Variants in GNAI3 observed in about 807,000 individuals in gnomAD.
GNAI3 encodes G protein subunit alpha i3.
In GNAI3, 12 loss-of-function variants were observed where a neutral mutation model predicts 41.8. That is an observed-to-expected ratio of 0.29 (90% CI 0.18 to 0.47). The LOEUF is 0.47. Ranked by LOEUF, GNAI3 falls within the 20% of genes least tolerant of loss-of-function variation. The pLI is 1.00. For missense variants in GNAI3, 360 were observed against 429.6 expected (o/e 0.84, Z 1.43); for synonymous variants, 132 against 146.5 (o/e 0.90, Z 0.71).
intron 4 of GNAI3, among the ~76,000 whole-genome samples, chr1:109,581,505 TC>T (rs1648888562): frequency 6.6e-6 from 1 of 152,186 alleles, no homozygotes; most frequent in African/African-American, 2.4e-5. Context: ...GTATTACATT[TC>T]AGGAATTTTT....
intron 1 of GNAI3, among the ~76,000 whole-genome samples, chr1:109,568,599 A>G (rs1340514045): frequency 6.6e-6 from 1 of 152,196 alleles, no homozygotes; most frequent in African/African-American, 2.4e-5. Flanking sequence ...CAGTGATTCT[A>G]CATTAGAGTA....
chr1:109,558,057 AG>A (rs1438178251), intron 1 of GNAI3, among the ~76,000 whole-genome samples: 1 of 152,220 alleles, frequency 6.6e-6, no homozygotes, highest in African/African-American at 2.4e-5. Context: ...CTTTCTCATT[AG>A]TTCATGAGAA....
At chr1:109,582,642 T>C in intron 5 of GNAI3, 77 bp downstream of exon 5, 2 of 1,037,672 alleles carry the variant, frequency 1.9e-6, no homozygotes, top group Non-Finnish European at 3.0e-6. Flanking sequence ...TTAATCAGGG[T>C]AAAATTTCTC....
intron 1 of GNAI3, among the ~76,000 whole-genome samples, chr1:109,557,687 T>C (rs995116472): frequency 4.6e-5 from 7 of 152,166 alleles, no homozygotes; most frequent in Non-Finnish European, 8.8e-5. Context: ...ACATCTTCTG[T>C]GGCTCACGCA....
chr1:109,568,617 T>C (rs511566), intron 1 of GNAI3, among the ~76,000 whole-genome samples: 11 of 152,036 alleles, frequency 7.2e-5, no homozygotes, highest in Admixed American at 7.2e-4. Context: ...GTACATATTG[T>C]TGAATTTTTT....
chr1:109,587,513 G>A (rs1043096273), intron 7 of GNAI3, among the ~76,000 whole-genome samples: 8 of 152,068 alleles, frequency 5.3e-5, no homozygotes, highest in Non-Finnish European at 1.5e-5. Context: ...TCAGGCAGAC[G>A]GGAATAAAAG....
intron 7 of GNAI3, 152 bp downstream of exon 7, chr1:109,587,034 C>T: frequency 1.7e-6 from 1 of 585,642 alleles, no homozygotes; most frequent in Non-Finnish European, 3.0e-6. Context: ...GATTAAAAGC[C>T]CCTAAGTCAA....
chr1:109,565,315 T>C (rs780125355), intron 1 of GNAI3, among the ~76,000 whole-genome samples: 24 of 151,820 alleles, frequency 1.6e-4, no homozygotes, highest in Admixed American at 7.2e-4. Context: ...GAGTGCTCAC[T>C]ATGTTTTATA....
intron 5 of GNAI3, among the ~76,000 whole-genome samples, chr1:109,585,461 T>G (rs1281943162): frequency 6.6e-6 from 1 of 152,202 alleles, no homozygotes; most frequent in Non-Finnish European, 1.5e-5. Context: ...TCAAGGCTGT[T>G]TTTTAGTTAT....
At chr1:109,563,968 A>G (rs1648383462) in intron 1 of GNAI3, among the ~76,000 whole-genome samples, 1 of 152,198 alleles carries the variant, frequency 6.6e-6, no homozygotes. Flanking sequence ...TTTAATAAAA[A>G]ACAACCTAAA....
intron 7 of GNAI3, among the ~76,000 whole-genome samples, chr1:109,587,619 G>A (rs1040877084): frequency 5.9e-5 from 9 of 152,166 alleles, no homozygotes; most frequent in African/African-American, 2.2e-4. Flanking sequence ...TATTACTAGA[G>A]TTTACAGTGG....
intron 1 of GNAI3, among the ~76,000 whole-genome samples, chr1:109,566,460 T>C (rs1358348779): frequency 6.6e-6 from 1 of 152,224 alleles, no homozygotes; most frequent in African/African-American, 2.4e-5. Flanking sequence ...AGTGATGTTT[T>C]TCCTATCTGT....
intron 1 of GNAI3, among the ~76,000 whole-genome samples, chr1:109,556,087 A>T (rs1571147087): frequency 6.7e-6 from 1 of 148,724 alleles, no homozygotes; most frequent in Non-Finnish European, 1.5e-5. Flanking sequence ...CCCAGGCTGG[A>T]GTGCAGTGGT....
At chr1:109,581,076 CTG>C (rs1648877282) in intron 4 of GNAI3, among the ~76,000 whole-genome samples, 1 of 152,092 alleles carries the variant, frequency 6.6e-6, no homozygotes, top group Non-Finnish European at 1.5e-5. Flanking sequence ...ATTTTCATAA[CTG>C]TTGATCTAAG....
chr1:109,550,627 G>A (rs566365196), intron 1 of GNAI3, among the ~76,000 whole-genome samples: 10 of 151,964 alleles, frequency 6.6e-5, no homozygotes, highest in Non-Finnish European at 1.2e-4. Context: ...TCCACCTCTC[G>A]GGTTCACGCC....
rs1649230950 is a variant in GNAI3, at chr1:109,593,963, G to A, written c.*1641G>A. The A allele has an allele frequency of 6.5e-6, 1 of 152,708 alleles. No individual in the cohort carries two copies. The highest frequency in any genetic ancestry group is 1.5e-5 in the Non-Finnish European group (1 of 68,008). The allele number at this position is 152,708 out of a possible 1,614,324, so 9.5% of individuals were successfully genotyped here. ...CTTTTCACTAGTTTACAAAAAAAAG[G>A]TTGGTGGTCAACAAAAAAAGCAAGT... is the stretch of plus-strand genomic sequence containing the variant. On this transcript the variant is annotated 3_prime_UTR_variant, in exon 9 of 9. Coordinates refer to ENST00000369851, the MANE Select transcript of GNAI3 (RefSeq NM_006496.4).
At chr1:109,580,924 C>T (rs565016274) in intron 4 of GNAI3, among the ~76,000 whole-genome samples, 2 of 152,166 alleles carry the variant, frequency 1.3e-5, no homozygotes, top group Non-Finnish European at 2.9e-5. Context: ...AGGATTCTTG[C>T]CTACCTTTTA....
chr1:109,590,348 G>T (rs1170684174), intron 7 of GNAI3, among the ~76,000 whole-genome samples: 1 of 152,152 alleles, frequency 6.6e-6, no homozygotes, highest in African/African-American at 2.4e-5. Flanking sequence ...TTTCTTTGTT[G>T]TTGTTAACTT....
chr1:109,595,996 T>C lies in GNAI3; in HGVS notation c.*3674T>C, dbSNP rs998080049. 7 of 152,230 alleles carry C rather than the reference T, an allele frequency of 4.6e-5. No homozygotes were observed. The highest frequency in any genetic ancestry group is 8.8e-5 in the Non-Finnish European group (6 of 68,048). The allele number at this position is 152,230 out of a possible 1,614,324, so 9.4% of individuals were successfully genotyped here. ...GCCAGGTAATTATTGTGTTCTACTT[T>C]AGGCTTCGTAGTGCAAATCAGGGAT... On this transcript the variant is annotated 3_prime_UTR_variant, in exon 9 of 9. Coordinates refer to ENST00000369851, the MANE Select transcript of GNAI3 (RefSeq NM_006496.4).
Sources: gnomAD v4.1 joint callset for allele counts (sites outside exome capture counted in the v4.1 genomes callset) on GRCh38, gnomAD v4.1.1 for gene constraint, MANE v1.5 for transcripts, NCBI Gene and HGNC (gene_info 2026-07-23, HGNC 2026-07-21) for gene names.